Variants in UIMC1 observed in about 807,000 individuals in gnomAD.
UIMC1 encodes the protein ubiquitin interaction motif containing 1, also known as BRCA1-A complex subunit RAP80.
In UIMC1, 42 loss-of-function variants were observed where a neutral mutation model predicts 84.9. The observed-to-expected ratio is 0.49, with a 90% CI of 0.39 to 0.64. The LOEUF is 0.64. Ranked by LOEUF, UIMC1 falls within the 30% of genes least tolerant of loss-of-function variation. The probability of loss-of-function intolerance (pLI) is 0.00; values close to 1 mark genes in which losing one functional copy is unlikely to be tolerated. For synonymous variants in UIMC1, 281 were observed against 293.0 expected, an observed-to-expected ratio of 0.96 and a Z score of 0.42; for missense variants, 825 against 847.6, an observed-to-expected ratio of 0.97 and a Z score of 0.33.
At chr5:176,948,034 C>T (rs13168188) in intron 9 of UIMC1, among the ~76,000 whole-genome samples, 46 of 152,020 alleles carry the variant, frequency 3.0e-4, no homozygotes, top group Non-Finnish European at 5.6e-4. Context: ...TAGAAACCTC[C>T]TTGTTCTGGA....
At chr5:177,022,167 A>G (rs1581747235) in intron 1 of UIMC1, among the ~76,000 whole-genome samples, 1 of 152,140 alleles carries the variant, frequency 6.6e-6, no homozygotes, top group Non-Finnish European at 1.5e-5. Context: ...GGGGTCTGAC[A>G]GCTACATTGG....
chr5:176,975,160 A>C (rs1769864717), intron 3 of UIMC1, among the ~76,000 whole-genome samples: 1 of 152,158 alleles, frequency 6.6e-6, no homozygotes. Flanking sequence ...AAATAAATTT[A>C]AAAAAATTTT....
At chr5:176,971,174 T>A (rs942010321) in intron 3 of UIMC1, among the ~76,000 whole-genome samples, 1 of 152,254 alleles carries the variant, frequency 6.6e-6, no homozygotes, top group African/African-American at 2.4e-5. Context: ...ACGTAATAAA[T>A]ATCTGCTAAA....
intron 10 of UIMC1, among the ~76,000 whole-genome samples, chr5:176,933,404 A>C (rs753517231): frequency 6.6e-6 from 1 of 152,246 alleles, no homozygotes; most frequent in Non-Finnish European, 1.5e-5. Flanking sequence ...AATATCCCTC[A>C]GTATTTGGAG....
At chr5:177,016,714 C>G (rs530803156) in intron 1 of UIMC1, among the ~76,000 whole-genome samples, 1 of 144,840 alleles carries the variant, frequency 6.9e-6, no homozygotes, top group Non-Finnish European at 1.5e-5. Context: ...AGTGAGACTC[C>G]GTCTCAAAAA....
At chr5:176,908,445 G>A (rs1759689856) in intron 12 of UIMC1, 78 bp downstream of exon 12, 1 of 1,421,324 alleles carries the variant, frequency 7.0e-7, no homozygotes, top group African/African-American at 1.4e-5. Flanking sequence ...AGAGGGAAAA[G>A]CCAGAACAGA....
intron 8 of UIMC1, among the ~76,000 whole-genome samples, chr5:176,954,953 G>C (rs1262557135): frequency 6.6e-6 from 1 of 152,048 alleles, no homozygotes; most frequent in Admixed American, 6.6e-5. Context: ...GGCTATACGA[G>C]ACCTGAGGGA....
intron 1 of UIMC1, among the ~76,000 whole-genome samples, chr5:176,997,751 G>C (rs1420944021): frequency 6.7e-6 from 1 of 148,940 alleles, no homozygotes; most frequent in Non-Finnish European, 1.5e-5. Flanking sequence ...GGACATTTTT[G>C]CTCTTAACAT....
chr5:176,935,350 AT>A (rs1763598641), intron 10 of UIMC1, among the ~76,000 whole-genome samples: 1 of 152,074 alleles, frequency 6.6e-6, no homozygotes, highest in South Asian at 2.1e-4. Context: ...TCAATCTCTA[AT>A]TGTATTTCCT....
intron 6 of UIMC1, among the ~76,000 whole-genome samples, chr5:176,966,595 A>T (rs1288553466): frequency 6.6e-6 from 1 of 152,232 alleles, no homozygotes; most frequent in Non-Finnish European, 1.5e-5. Flanking sequence ...ATATATAAAG[A>T]GTTTATATTA....
At chr5:177,004,043 T>C (rs942224760) in intron 1 of UIMC1, among the ~76,000 whole-genome samples, 2 of 152,206 alleles carry the variant, frequency 1.3e-5, no homozygotes, top group African/African-American at 2.4e-5. Context: ...TTATCCAAGC[T>C]GGTCTTGAGC....
At chr5:177,008,387 T>C (rs1775464683), upstream of UIMC1, among the ~76,000 whole-genome samples, 1 of 152,162 alleles carries the variant, frequency 6.6e-6, no homozygotes, top group Admixed American at 6.6e-5. Context: ...TATACTACAA[T>C]TCTTTGCTCT....
intron 10 of UIMC1, among the ~76,000 whole-genome samples, chr5:176,926,530 G>C (rs1196529154): frequency 6.6e-6 from 1 of 151,958 alleles, no homozygotes; most frequent in East Asian, 1.9e-4. Flanking sequence ...CTAGCTACTA[G>C]GGAGGCTGAG....
intron 1 of UIMC1, chr5:177,001,431 G>A (rs1774431824): frequency 6.6e-6 from 1 of 152,102 alleles, no homozygotes; most frequent in Admixed American, 6.6e-5. Flanking sequence ...CCCACAGGTT[G>A]GAAGCTTCAA....
At chr5:176,978,617 C>G (rs1028017453) in intron 2 of UIMC1, among the ~76,000 whole-genome samples, 1 of 151,804 alleles carries the variant, frequency 6.6e-6, no homozygotes, top group Admixed American at 6.6e-5. Context: ...ATGCAAAACT[C>G]CTAAATAATA....
At position 177,001,534 on chromosome 5, in the gene UIMC1, A is replaced by G. The variant is rs144821370; in HGVS notation, c.-9+5116T>C. The G allele has an allele frequency of 1.1e-4, 17 of 152,252 alleles. No individual in the cohort carries two copies. The East Asian group carries it at 2.9e-3, about 26-fold the overall frequency. 9.4% of individuals were successfully genotyped at this position (152,252 alleles called of 1,614,324 possible). On this transcript the variant is annotated intron_variant, in intron 1 of 14. Transcript: ENST00000511320. ...AGCACAGAACGTTATCTTAGGTTTA[A>G]TGCAATTCCTATAAGAATCCCACTA...
chr5:176,955,900 T>C (rs1216061737), intron 8 of UIMC1, 59 bp downstream of exon 8: 3 of 1,523,326 alleles, frequency 2.0e-6, no homozygotes, highest in Admixed American at 1.7e-5. Flanking sequence ...GGAAAATTAA[T>C]AGGCATGAAA....
chr5:176,939,478 A>G (rs563622708), intron 10 of UIMC1, among the ~76,000 whole-genome samples: 1 of 152,266 alleles, frequency 6.6e-6, no homozygotes, highest in South Asian at 2.1e-4. Flanking sequence ...TTATAATACC[A>G]TATTTTTACT....
At chr5:176,945,628 G>A (rs1004842378) in intron 9 of UIMC1, among the ~76,000 whole-genome samples, 1 of 152,140 alleles carries the variant, frequency 6.6e-6, no homozygotes, top group African/African-American at 2.4e-5. Flanking sequence ...AATGGAATGC[G>A]ACCCTTGTGG....
Sources: gnomAD v4.1 joint callset for allele counts (sites outside exome capture counted in the v4.1 genomes callset) on GRCh38, gnomAD v4.1.1 for gene constraint, MANE v1.5 for transcripts, NCBI Gene and HGNC (gene_info 2026-07-23, HGNC 2026-07-21) for gene names.